The following EYS variants were observed in gnomAD, a reference collection of about 807,000 sequenced individuals.
The protein encoded by EYS is protein eyes shut homolog.
EYS carries 250 observed loss-of-function variants against 282.1 expected under a neutral mutation model. The ratio of observed to expected loss-of-function variants is 0.89; its 90% CI spans 0.80 to 0.98. The LOEUF is 0.98. Ranked by LOEUF, EYS falls within the 50% of genes least tolerant of loss-of-function variation. The pLI is 0.00. For synonymous variants in EYS, 1,355 were observed against 1,282.9 expected (o/e 1.06, Z -1.20); for missense variants, 4,016 against 3,709.0 (o/e 1.08, Z -2.15).
At chr6:65,260,761 G>T (rs1420240265) in intron 12 of EYS, among the ~76,000 whole-genome samples, 1 of 151,500 alleles carries the variant, frequency 6.6e-6, no homozygotes, top group Non-Finnish European at 1.5e-5. Context: ...ACACTTTTAA[G>T]AACAATGGGT....
chr6:64,648,843 T>C (rs1403846339), intron 22 of EYS, among the ~76,000 whole-genome samples: 1 of 152,186 alleles, frequency 6.6e-6, no homozygotes, highest in African/African-American at 2.4e-5. Context: ...GCTTGTGGAT[T>C]AGCAAATTGT....
chr6:63,721,084 A>G lies in EYS; in HGVS notation c.8947T>C (p.Ser2983Pro). The change falls in exon 43 of 43, where the codon TCC becomes CCC. Residue 2983 changes from serine to proline, a missense_variant. By Grantham distance (74) the Ser-to-Pro change is moderately conservative. Coordinates refer to ENST00000503581, the MANE Select transcript of EYS (RefSeq NM_001142800.2). ...RMRNLQFTTISLNFSTTKTEG... is the reference protein window; with the variant it reads ...RMRNLQFTTIPLNFSTTKTEG... ...GTTTTAGTGGTACTGAAATTTAAGGATATAGTAGTGAACTGGAGGTTTCTC... is the reference window on the plus strand; with the variant it reads ...GTTTTAGTGGTACTGAAATTTAAGGGTATAGTAGTGAACTGGAGGTTTCTC... 6.4e-7 allele frequency: 1 copy of G among 1,551,344 alleles called. No individual in the cohort carries two copies. The highest frequency in any genetic ancestry group is 8.7e-7 in the Non-Finnish European group (1 of 1,146,746).
chr6:64,577,425 T>A (rs558870481), intron 26 of EYS, among the ~76,000 whole-genome samples: 11 of 152,144 alleles, frequency 7.2e-5, no homozygotes, highest in Admixed American at 3.3e-4. Flanking sequence ...TCTCTCTCAA[T>A]CGTTCAAATT....
intron 31 of EYS, among the ~76,000 whole-genome samples, chr6:64,148,757 T>C (rs1390292871): frequency 6.6e-6 from 1 of 152,142 alleles, no homozygotes; most frequent in Non-Finnish European, 1.5e-5. Flanking sequence ...GCAGTAAAAC[T>C]CATGTTAATA....
chr6:65,315,252 C>A (rs1443613517), intron 11 of EYS, among the ~76,000 whole-genome samples: 2 of 152,034 alleles, frequency 1.3e-5, no homozygotes, highest in Admixed American at 6.6e-5. Flanking sequence ...CTCTCAAATA[C>A]CATGATAGGG....
chr6:64,293,705 CAT>C (rs1377759525), intron 30 of EYS, among the ~76,000 whole-genome samples: 1 of 152,000 alleles, frequency 6.6e-6, no homozygotes, highest in African/African-American at 2.4e-5. Context: ...CATATTGATG[CAT>C]AGAGATGTAT....
intron 26 of EYS, among the ~76,000 whole-genome samples, chr6:64,481,125 C>T (rs901428932): frequency 3.5e-4 from 53 of 150,584 alleles, no homozygotes; most frequent in African/African-American, 1.3e-3. Flanking sequence ...TTTATTTTTG[C>T]CATTATTATA....
At chr6:64,624,159 C>T (rs897351670) in intron 23 of EYS, among the ~76,000 whole-genome samples, 2 of 152,086 alleles carry the variant, frequency 1.3e-5, no homozygotes, top group Admixed American at 6.6e-5. Context: ...ATTTTGAGAT[C>T]TTCTGCTTCC....
intron 1 of EYS, among the ~76,000 whole-genome samples, chr6:65,668,254 T>A (rs1054262034): frequency 6.6e-6 from 1 of 151,924 alleles, no homozygotes; most frequent in Admixed American, 6.6e-5. Context: ...TTCACATATG[T>A]GTTTAAAAGT....
intron 37 of EYS, among the ~76,000 whole-genome samples, chr6:63,792,955 C>A (rs1337784280): frequency 6.6e-6 from 1 of 152,172 alleles, no homozygotes; most frequent in Non-Finnish European, 1.5e-5. Context: ...TTTGCTCTTT[C>A]ACATGTAAGG....
At chr6:64,126,254 C>T (rs776815522) in intron 31 of EYS, among the ~76,000 whole-genome samples, 4 of 151,544 alleles carry the variant, frequency 2.6e-5, no homozygotes, top group African/African-American at 7.3e-5. Context: ...CACATGCACA[C>T]GTATGTTTAT....
intron 31 of EYS, among the ~76,000 whole-genome samples, chr6:64,086,233 T>C (rs1306741734): frequency 6.6e-6 from 1 of 152,242 alleles, no homozygotes; most frequent in African/African-American, 2.4e-5. Context: ...TGCTAGATCC[T>C]GACACTTGCT....
At chr6:64,815,392 A>T (rs992449419) in intron 21 of EYS, among the ~76,000 whole-genome samples, 1 of 152,108 alleles carries the variant, frequency 6.6e-6, no homozygotes, top group East Asian at 1.9e-4. Flanking sequence ...ATTAGAAAAC[A>T]TTACATAAAC....
intron 13 of EYS, among the ~76,000 whole-genome samples, chr6:65,006,239 AAG>A (rs1771649653): frequency 1.3e-5 from 2 of 151,782 alleles, no homozygotes; most frequent in African/African-American, 4.8e-5. Flanking sequence ...GAGAAAAAGA[AAG>A]AAAAAGATAT....
At chr6:64,963,663 A>G (rs1770000230) in intron 14 of EYS, among the ~76,000 whole-genome samples, 1 of 152,204 alleles carries the variant, frequency 6.6e-6, no homozygotes, top group Admixed American at 6.5e-5. Flanking sequence ...ATACAATTTT[A>G]GCTATTCGTA....
chr6:63,747,292 T>C (rs1332104897), intron 41 of EYS, among the ~76,000 whole-genome samples: 1 of 152,242 alleles, frequency 6.6e-6, no homozygotes, highest in Non-Finnish European at 1.5e-5. Flanking sequence ...TCTAATTTGA[T>C]TGCACTGTGG....
rs1285028276 is a variant in EYS, at chr6:63,721,011, T to C, written c.9020A>G (p.Asp3007Gly). 1.9e-6 allele frequency: 3 copies of C among 1,551,312 alleles called. No homozygotes were observed. In the South Asian group the frequency reaches 3.6e-5, roughly 18 times the overall value. ...ATTATGGAGACCAATTGCCAGAAAA[T>C]CATTTTCTTCATTTTGAGCTATTCC... is the stretch of plus-strand genomic sequence containing the variant. ...WMGIAQNEEN[D>G]FLAIGLHNQT... is the part of the protein sequence containing the mutation. Residue 3007 changes from aspartate to glycine, a missense_variant, in exon 43 of 43, where the codon GAT becomes GGT. By Grantham distance (94) the Asp-to-Gly change is moderately conservative. Coordinates refer to ENST00000503581, the MANE Select transcript of EYS (RefSeq NM_001142800.2).
At chr6:64,600,617 T>C (rs1052470910) in intron 24 of EYS, among the ~76,000 whole-genome samples, 2 of 152,088 alleles carry the variant, frequency 1.3e-5, no homozygotes, top group African/African-American at 4.8e-5. Flanking sequence ...TTTAACAGCA[T>C]TCCTTTTGTT....
At chr6:65,654,435 G>A (rs1475726554) in intron 1 of EYS, among the ~76,000 whole-genome samples, 1 of 151,752 alleles carries the variant, frequency 6.6e-6, no homozygotes, top group African/African-American at 2.4e-5. Flanking sequence ...TTTCCAAATG[G>A]TTAATAAATG....
Sources: gnomAD v4.1 joint callset for allele counts (sites outside exome capture counted in the v4.1 genomes callset) on GRCh38, gnomAD v4.1.1 for gene constraint, MANE v1.5 for transcripts, NCBI Gene and HGNC (gene_info 2026-07-23, HGNC 2026-07-21) for gene names.